TM6SF2: variants seen among roughly 807,000 people sequenced by gnomAD.
The protein encoded by TM6SF2 is transmembrane 6 superfamily member 2.
In TM6SF2, 29 loss-of-function variants were observed where a neutral mutation model predicts 41.0. The observed-to-expected ratio is 0.71, with a 90% CI of 0.53 to 0.96. The LOEUF is 0.96. Ranked by LOEUF, TM6SF2 falls within the 50% of genes least tolerant of loss-of-function variation. The pLI is 0.00. For synonymous variants in TM6SF2, 200 were observed against 209.1 expected, an observed-to-expected ratio of 0.96 and a Z score of 0.37; for missense variants, 475 against 499.0, an observed-to-expected ratio of 0.95 and a Z score of 0.46.
Position 19,270,254 on chromosome 19 carries a change from G to A in TM6SF2, c.320C>T (p.Ala107Val), listed in dbSNP as rs765539044. The change falls in exon 4 of 10, where the codon GCG becomes GTG. Residue 107 changes from alanine to valine, a missense_variant. Transcript: ENST00000389363. ...CCAGTAGCAGATGAAGACTCCGTGC[G>A]CTGTGCGCAGGTATGGCTCTCCCTG... is the stretch of plus-strand genomic sequence containing the variant. Reference protein sequence around the residue: ...TKEGEPYLRTAHGVFICYWDG... With the variant: ...TKEGEPYLRTVHGVFICYWDG... 7.4e-6 allele frequency: 12 copies of A among 1,614,116 alleles called. No individual in the cohort carries two copies. The highest frequency in any genetic ancestry group is 5.0e-5 in the Admixed American group (3 of 60,010).
chr19:19,270,473 T>TG, intron 2 of TM6SF2, 31 bp from the exon 3 acceptor site: 1 of 1,588,028 alleles, frequency 6.3e-7, no homozygotes, highest in Non-Finnish European at 8.6e-7. Flanking sequence ...GGGTCAGGTG[T>TG]GGGAGGGGAC....
chr19:19,264,564 G>T lies in TM6SF2; in HGVS notation c.*100C>A. ...CCATAGCCAAGACTAAAGACACCCG[G>T]AGATGTCCCTCCTGTCTCTAAAACA... On this transcript the variant is annotated 3_prime_UTR_variant, in exon 10 of 10. Coordinates refer to ENST00000389363, the MANE Select transcript of TM6SF2 (RefSeq NM_001001524.3). 9.5e-7 allele frequency: 1 copy of T among 1,056,422 alleles called. No individual in the cohort carries two copies. The highest frequency in any genetic ancestry group is 2.6e-5 in the South Asian group (1 of 38,524). The allele number at this position is 1,056,422 out of a possible 1,614,324, so 65.4% of individuals were successfully genotyped here.
intron 5 of TM6SF2, 87 bp from the exon 6 acceptor site, chr19:19,268,841 C>T (rs2061012855): frequency 6.9e-7 from 1 of 1,453,150 alleles, no homozygotes; most frequent in South Asian, 1.4e-5. Flanking sequence ...CAGAGTCTTG[C>T]TCTGTCACCC....
chr19:19,266,636 C>A, intron 8 of TM6SF2, 27 bp from the exon 9 acceptor site: 1 of 1,596,928 alleles, frequency 6.3e-7, no homozygotes, highest in Non-Finnish European at 8.5e-7. Flanking sequence ...AGAGGGGCAC[C>A]AGCCTGTGAG....
rs753204217 is a variant in TM6SF2, at chr19:19,271,122, G to T, written c.99C>A (p.Pro33=). 5 of 1,613,954 alleles carry T rather than the reference G, an allele frequency of 3.1e-6. No individual in the cohort carries two copies. The highest frequency in any genetic ancestry group is 4.2e-6 in the Non-Finnish European group (5 of 1,179,930). Residue 33 remains proline (P), a synonymous_variant, in exon 2 of 10, where the codon CCC becomes CCA. Coordinates refer to ENST00000389363, the MANE Select transcript of TM6SF2 (RefSeq NM_001001524.3). ...GGGCGCTCATCAATGCCACCCACAG[G>T]GGGCTGTGGAGAGGGAAGCCAAGTC... ...ALNHVSALSH[P]LWVALMSALI...
chr19:19,265,038 G>GTTTTT (rs550015865), intron 9 of TM6SF2, among the ~76,000 whole-genome samples, 165 bp from the exon 10 acceptor site: 4 of 121,050 alleles, frequency 3.3e-5, no homozygotes, highest in African/African-American at 6.6e-5. Flanking sequence ...CCATCTATCT[G>GTTTTT]TTTTTTTTTT....
chr19:19,270,379 T>G lies in TM6SF2; in HGVS notation c.263A>C (p.Tyr88Ser). 6.2e-7 allele frequency: 1 copy of G among 1,614,074 alleles called. No individual in the cohort carries two copies. Among genetic ancestry groups the G allele is most frequent in the Non-Finnish European group, 8.5e-7 (1 of 1,180,024 alleles). ...DLIIALQEDSYVVGFMEFYTK... is the reference protein window; with the variant it reads ...DLIIALQEDSSVVGFMEFYTK... ...GTAGAACTCCATGAAGCCCACCACATAGCTGTCTTCCTGAAGAGCGATGAT... is the reference window on the plus strand; with the variant it reads ...GTAGAACTCCATGAAGCCCACCACAGAGCTGTCTTCCTGAAGAGCGATGAT... Residue 88 changes from tyrosine to serine, a missense_variant, in exon 3 of 10, where the codon TAT becomes TCT. Physicochemically the swap from Tyr to Ser is moderately radical, Grantham distance 144 (BLOSUM62 -2). This residue lies in a region of TM6SF2 where 238 missense variants were observed against 228.6 expected (regional missense o/e 1.04). Transcript: ENST00000389363.
intron 1 of TM6SF2, among the ~76,000 whole-genome samples, chr19:19,271,487 T>C (rs1164873912): frequency 6.7e-6 from 1 of 150,364 alleles, no homozygotes; most frequent in African/African-American, 2.5e-5. Flanking sequence ...TTTCTTTTTC[T>C]CTTTTCTTTT....
At chr19:19,271,498 C>CTT (rs2061023826) in intron 1 of TM6SF2, among the ~76,000 whole-genome samples, 1 of 151,212 alleles carries the variant, frequency 6.6e-6, no homozygotes, top group African/African-American at 2.4e-5. Context: ...CTTTTCTTTT[C>CTT]TCTTTCTTTC....
intron 8 of TM6SF2, among the ~76,000 whole-genome samples, chr19:19,267,175 C>A (rs2061005896): frequency 6.6e-6 from 1 of 151,928 alleles, no homozygotes; most frequent in South Asian, 2.1e-4. Flanking sequence ...TCGAGACCAG[C>A]CTGACCAACA....
intron 9 of TM6SF2, 152 bp from the exon 10 acceptor site, chr19:19,265,025 A>G: frequency 2.4e-6 from 1 of 423,058 alleles, no homozygotes; most frequent in Non-Finnish European, 4.1e-6. Flanking sequence ...TCCCATCTCC[A>G]GTCCATCTAT....
chr19:19,268,543 C>T (rs1406386084), intron 6 of TM6SF2, 87 bp downstream of exon 6: 4 of 1,476,482 alleles, frequency 2.7e-6, no homozygotes, highest in Non-Finnish European at 3.6e-6. Context: ...GAACCTTCCA[C>T]AGAAATTAAG....
chr19:19,270,526 G>A (rs1264202867), intron 2 of TM6SF2, 84 bp from the exon 3 acceptor site: 2 of 1,484,742 alleles, frequency 1.3e-6, no homozygotes, highest in East Asian at 2.5e-5. Flanking sequence ...GGGGCTTGAA[G>A]TTAAGGTCAG....
In TM6SF2 at chr19:19,269,717, T is replaced by G; in HGVS notation, c.454A>C (p.Ile152Leu). 6.2e-7 allele frequency: 1 copy of G among 1,614,146 alleles called. No individual in the cohort carries two copies. The highest frequency in any genetic ancestry group is 8.5e-7 in the Non-Finnish European group (1 of 1,180,012). Residue 152 changes from isoleucine (I) to leucine (L), a missense_variant, in exon 5 of 10, where the codon ATC becomes CTC. Ile to Leu is a conservative substitution (Grantham distance 5). Coordinates refer to ENST00000389363, the MANE Select transcript of TM6SF2 (RefSeq NM_001001524.3). Reference sequence around the variant, plus strand: ...ATGTTTCCTGTAAGGAACACCAGGATGCTCATGGCGAAGGAACCCAGCCAG... The same window carrying G: ...ATGTTTCCTGTAAGGAACACCAGGAGGCTCATGGCGAAGGAACCCAGCCAG... ...LYWLGSFAMS[I>L]LVFLTGNILG...
chr19:19,266,249 C>G (rs1252657358), intron 9 of TM6SF2, among the ~76,000 whole-genome samples: 2 of 152,110 alleles, frequency 1.3e-5, no homozygotes, highest in Non-Finnish European at 2.9e-5. Flanking sequence ...CTATGCCTTG[C>G]TTCTAGGAAA....
At chr19:19,266,992 G>C (rs1034661154) in intron 8 of TM6SF2, among the ~76,000 whole-genome samples, 6 of 152,264 alleles carry the variant, frequency 3.9e-5, no homozygotes, top group African/African-American at 1.4e-4. Context: ...GGCTGAGTGG[G>C]GTGCATGGAA....
intron 9 of TM6SF2, among the ~76,000 whole-genome samples, chr19:19,265,379 TATCTATCTATCTATCTATCTATCTATCC>T (rs1341882187): frequency 7.7e-6 from 1 of 130,062 alleles, no homozygotes; most frequent in African/African-American, 3.3e-5. Context: ...TCTATCTATC[TATCTATCTATCTATCTATCTATCTATCC>T]ATCCATCCAT....
intron 5 of TM6SF2, 73 bp downstream of exon 5, chr19:19,269,614 A>T (rs901005048): frequency 5.1e-6 from 8 of 1,576,586 alleles, no homozygotes; most frequent in Non-Finnish European, 7.0e-6. Flanking sequence ...GGAGGATCCA[A>T]TGGGGGTGCT....
intron 5 of TM6SF2, among the ~76,000 whole-genome samples, chr19:19,269,476 G>A (rs1269541577): frequency 6.6e-6 from 1 of 152,166 alleles, no homozygotes; most frequent in Non-Finnish European, 1.5e-5. Context: ...CATTGCCTGG[G>A]GAGGAAGCAG....
Sources: gnomAD v4.1 joint callset for allele counts (sites outside exome capture counted in the v4.1 genomes callset) on GRCh38, gnomAD v4.1.1 for gene constraint, gnomAD v4.1.1 regional missense constraint, MANE v1.5 for transcripts, NCBI Gene and HGNC (gene_info 2026-07-23, HGNC 2026-07-21) for gene names.